The following WWOX variants were observed in gnomAD, a reference collection of about 807,000 sequenced individuals.
WWOX encodes WW domain containing oxidoreductase.
WWOX carries 69 observed loss-of-function variants against 46.2 expected under a neutral mutation model. The ratio of observed to expected loss-of-function variants is 1.49; its 90% CI spans 1.23 to 1.82. WWOX has a LOEUF of 1.82. Among genes scored for constraint, WWOX ranks in the 40% most tolerant of loss-of-function variants. WWOX has a pLI of 0.00. For missense variants in WWOX, 919 were observed against 542.6 expected, an observed-to-expected ratio of 1.69 and a Z score of -6.89; for synonymous variants, 359 against 202.6, an observed-to-expected ratio of 1.77 and a Z score of -6.56.
At position 79,192,317 on chromosome 16, in the gene WWOX, ATT is replaced by A. The variant is rs2051152643; in HGVS notation, c.1057-19290_1057-19289del. On this transcript the variant is annotated intron_variant, in intron 8 of 8. Transcript: ENST00000566780. ...TTCGCAGTGATTCATTCATTCATTCATTCATTCATTCATTCATTCATCCACCC... is the reference window on the plus strand; with the variant it reads ...TTCGCAGTGATTCATTCATTCATTCACATTCATTCATTCATTCATCCACCC... 5.5e-5 allele frequency among the ~76,000 whole-genome samples: 3 copies of A among 54,680 alleles called. No homozygotes were observed. The South Asian group carries it at 1.3e-3, about 24-fold the overall frequency. 35.9% of individuals were successfully genotyped at this position (54,680 alleles called of 152,430 possible).
intron 8 of WWOX, among the ~76,000 whole-genome samples, chr16:78,792,416 A>G (rs551276419): frequency 6.6e-6 from 1 of 152,174 alleles, no homozygotes; most frequent in South Asian, 2.1e-4. Context: ...ATGGCTTCCT[A>G]TTGCTTCTTC....
At chr16:78,803,936 T>C (rs545509449) in intron 8 of WWOX, among the ~76,000 whole-genome samples, 1 of 152,226 alleles carries the variant, frequency 6.6e-6, no homozygotes, top group African/African-American at 2.4e-5. Flanking sequence ...GGAGGTGGCC[T>C]GGTGGTACTT....
intron 8 of WWOX, among the ~76,000 whole-genome samples, chr16:78,652,100 A>C (rs983284728): frequency 6.6e-5 from 10 of 152,166 alleles, no homozygotes; most frequent in African/African-American, 2.4e-4. Context: ...GCTTGAGACC[A>C]GGGCTCCTGG....
chr16:78,549,875 G>C (rs978343155), intron 8 of WWOX, among the ~76,000 whole-genome samples: 1 of 152,004 alleles, frequency 6.6e-6, no homozygotes, highest in Non-Finnish European at 1.5e-5. Flanking sequence ...ATCTTTAAAG[G>C]ATTTTTTATT....
At chr16:79,096,331 T>TG (rs1299387648) in intron 8 of WWOX, among the ~76,000 whole-genome samples, 1 of 152,164 alleles carries the variant, frequency 6.6e-6, no homozygotes, top group Admixed American at 6.5e-5. Context: ...GTGCAAGCCA[T>TG]GCTCTCGAGC....
At chr16:79,168,504 C>T (rs770807321) in intron 8 of WWOX, among the ~76,000 whole-genome samples, 2 of 152,168 alleles carry the variant, frequency 1.3e-5, no homozygotes, top group Admixed American at 6.5e-5. Flanking sequence ...TGGCAGGCAT[C>T]CAGTCCCTGT....
At chr16:78,758,526 G>A (rs1329964011) in intron 8 of WWOX, among the ~76,000 whole-genome samples, 3 of 152,206 alleles carry the variant, frequency 2.0e-5, no homozygotes, top group African/African-American at 7.2e-5. Flanking sequence ...TAATGCCAGT[G>A]TCGTAACGCC....
chr16:78,997,393 G>A (rs372440961), intron 8 of WWOX, among the ~76,000 whole-genome samples: 3 of 152,098 alleles, frequency 2.0e-5, no homozygotes, highest in South Asian at 4.2e-4. Context: ...TTCTTACCAC[G>A]GTGACACGCA....
intron 8 of WWOX, among the ~76,000 whole-genome samples, chr16:78,787,636 T>G (rs983000194): frequency 2.0e-5 from 3 of 152,196 alleles, no homozygotes; most frequent in African/African-American, 4.8e-5. Context: ...ATGTACTGTT[T>G]TTATGTTTTC....
At chr16:79,152,688 A>AT (rs988922707) in intron 8 of WWOX, among the ~76,000 whole-genome samples, 7 of 148,498 alleles carry the variant, frequency 4.7e-5, no homozygotes, top group Non-Finnish European at 1.0e-4. Context: ...AAAAAAAAAA[A>AT]CAAAAACCTG....
intron 5 of WWOX, among the ~76,000 whole-genome samples, chr16:78,297,744 C>CCTGT (rs1261558983): frequency 2.5e-4 from 38 of 152,116 alleles, no homozygotes; most frequent in Non-Finnish European, 5.9e-5. Context: ...TGGTGGAATA[C>CCTGT]AAAAGTCATG....
intron 8 of WWOX, among the ~76,000 whole-genome samples, chr16:78,438,218 C>G (rs2083374847): frequency 1.3e-5 from 2 of 152,160 alleles, no homozygotes; most frequent in Non-Finnish European, 2.9e-5. Flanking sequence ...CCAAGTTCTA[C>G]AATCTTAGAA....
intron 8 of WWOX, among the ~76,000 whole-genome samples, chr16:78,669,208 G>C (rs183749207): frequency 1.3e-5 from 2 of 152,304 alleles, no homozygotes; most frequent in East Asian, 3.9e-4. Context: ...CCCTTGCTAA[G>C]AGGAGAAGCC....
At chr16:78,196,207 T>A (rs944737709) in intron 5 of WWOX, among the ~76,000 whole-genome samples, 2 of 152,250 alleles carry the variant, frequency 1.3e-5, no homozygotes, top group Non-Finnish European at 2.9e-5. Flanking sequence ...TATCTACAAT[T>A]AATTTGAATG....
intron 8 of WWOX, among the ~76,000 whole-genome samples, chr16:78,849,633 G>A (rs565194095): frequency 1.3e-5 from 2 of 151,274 alleles, no homozygotes; most frequent in African/African-American, 4.9e-5. Flanking sequence ...GCCTTCCTTG[G>A]CAAACTTTGA....
At chr16:78,649,619 C>T (rs1042031430) in intron 8 of WWOX, among the ~76,000 whole-genome samples, 4 of 152,198 alleles carry the variant, frequency 2.6e-5, no homozygotes, top group African/African-American at 7.2e-5. Flanking sequence ...TGGCCTTTCC[C>T]ACCTCTTAGG....
intron 4 of WWOX, among the ~76,000 whole-genome samples, chr16:78,128,941 T>C (rs2033474250): frequency 6.6e-6 from 1 of 152,190 alleles, no homozygotes; most frequent in Non-Finnish European, 1.5e-5. Flanking sequence ...GCTTTATCTA[T>C]TAGCAAAGGA....
chr16:78,967,774 C>T (rs894320521), intron 8 of WWOX, among the ~76,000 whole-genome samples: 3 of 152,080 alleles, frequency 2.0e-5, no homozygotes, highest in Non-Finnish European at 2.9e-5. Context: ...CAGAGGATGG[C>T]ACAGAGTTCC....
At chr16:78,214,033 C>T (rs2036641269) in intron 5 of WWOX, among the ~76,000 whole-genome samples, 2 of 152,142 alleles carry the variant, frequency 1.3e-5, no homozygotes. Flanking sequence ...CGCCTCCCAG[C>T]CACTGGGGCA....
Sources: gnomAD v4.1 joint callset for allele counts (sites outside exome capture counted in the v4.1 genomes callset) on GRCh38, gnomAD v4.1.1 for gene constraint, MANE v1.5 for transcripts, NCBI Gene and HGNC (gene_info 2026-07-23, HGNC 2026-07-21) for gene names.